Variants in GRM3 observed in about 807,000 individuals in gnomAD.
GRM3 encodes glutamate metabotropic receptor 3.
In GRM3, 26 loss-of-function variants were observed where a neutral mutation model predicts 70.5. The observed-to-expected ratio is 0.37, with a 90% CI of 0.27 to 0.51. The LOEUF is 0.51. Among genes scored for constraint, GRM3 ranks in the 20% least tolerant of loss-of-function variants. GRM3 has a pLI of 0.93. For missense variants in GRM3, 859 were observed against 1,123.8 expected, an observed-to-expected ratio of 0.76 and a Z score of 3.37; for synonymous variants, 443 against 434.9, an observed-to-expected ratio of 1.02 and a Z score of -0.23.
intron 3 of GRM3, among the ~76,000 whole-genome samples, chr7:86,827,835 C>G (rs372624812): frequency 2.6e-5 from 4 of 152,012 alleles, no homozygotes; most frequent in African/African-American, 9.6e-5. Context: ...AAATCCAGGC[C>G]GGTGCGGTGG....
At chr7:86,854,320 G>T (rs1798808953) in intron 5 of GRM3, among the ~76,000 whole-genome samples, 1 of 152,116 alleles carries the variant, frequency 6.6e-6, no homozygotes, top group Admixed American at 6.6e-5. Flanking sequence ...AGCCAAGGTG[G>T]TTGATAGCAG....
At chr7:86,809,786 T>A (rs1403275747) in intron 3 of GRM3, among the ~76,000 whole-genome samples, 1 of 152,062 alleles carries the variant, frequency 6.6e-6, no homozygotes, top group African/African-American at 2.4e-5. Context: ...TGATGCAGAA[T>A]GCATTACGAG....
intron 4 of GRM3, among the ~76,000 whole-genome samples, chr7:86,842,003 A>T (rs1798567677): frequency 6.6e-6 from 1 of 152,164 alleles, no homozygotes; most frequent in Admixed American, 6.5e-5. Flanking sequence ...TAAGTTTACA[A>T]AAGAAATGAG....
chr7:86,657,000 T>C (rs1793763265), intron 1 of GRM3, among the ~76,000 whole-genome samples: 1 of 152,188 alleles, frequency 6.6e-6, no homozygotes, highest in Non-Finnish European at 1.5e-5. Flanking sequence ...AAAACATAAA[T>C]TATCATGTTA....
intron 1 of GRM3, among the ~76,000 whole-genome samples, chr7:86,682,755 G>T (rs1794472011): frequency 6.6e-6 from 1 of 152,024 alleles, no homozygotes; most frequent in African/African-American, 2.4e-5. Context: ...TTGAGCTCTT[G>T]CAATGTGCCA....
chr7:86,802,176 C>G (rs1176706650), intron 3 of GRM3, among the ~76,000 whole-genome samples: 2 of 152,058 alleles, frequency 1.3e-5, no homozygotes, highest in Non-Finnish European at 2.9e-5. Context: ...AAATGTGTCT[C>G]AAAAGTGTTA....
At position 86,839,306 on chromosome 7, in the gene GRM3, T is replaced by C; in HGVS notation, c.1792T>C (p.Phe598Leu). ...FMCTCMVVTV[F>L]IKHNNTPLVK... ...GTGTACATGCATGGTTGTAACTGTTTTTATCAAGCACAACAACACACCCTT... is the reference window on the plus strand; with the variant it reads ...GTGTACATGCATGGTTGTAACTGTTCTTATCAAGCACAACAACACACCCTT... Residue 598 changes from phenylalanine to leucine, a missense_variant, in exon 4 of 6, where the codon TTT becomes CTT. Physicochemically the swap from Phe to Leu is conservative, Grantham distance 22. Coordinates refer to ENST00000361669, the MANE Select transcript of GRM3 (RefSeq NM_000840.3). The surrounding 1 kb of genome is among the most constrained non-coding windows in gnomAD (Gnocchi z 4.5). 1 of 1,613,790 alleles carries C rather than the reference T, an allele frequency of 6.2e-7. No homozygotes were observed.
intron 2 of GRM3, among the ~76,000 whole-genome samples, chr7:86,776,579 C>T (rs902673286): frequency 2.0e-5 from 3 of 152,108 alleles, no homozygotes; most frequent in Non-Finnish European, 2.9e-5. Flanking sequence ...GCATACCCAA[C>T]AGCTTTTGTC....
chr7:86,668,219 G>A (rs945383137), intron 1 of GRM3, among the ~76,000 whole-genome samples: 4 of 151,832 alleles, frequency 2.6e-5, no homozygotes, highest in African/African-American at 9.7e-5. Flanking sequence ...TTAGCCTGCC[G>A]TGCTTCCTTA....
chr7:86,725,507 C>T (rs1391181049), intron 1 of GRM3, among the ~76,000 whole-genome samples: 1 of 152,096 alleles, frequency 6.6e-6, no homozygotes, highest in Non-Finnish European at 1.5e-5. Context: ...ATAGCATCAC[C>T]CTCACCACAT....
intron 3 of GRM3, among the ~76,000 whole-genome samples, chr7:86,817,664 G>C (rs2188294): frequency 3.9e-5 from 6 of 151,958 alleles, no homozygotes; most frequent in African/African-American, 1.4e-4. Context: ...TCAAGTCTCA[G>C]CTGTCATCTG....
intron 3 of GRM3, among the ~76,000 whole-genome samples, chr7:86,834,983 A>G (rs1798426824): frequency 1.3e-5 from 2 of 152,124 alleles, no homozygotes; most frequent in African/African-American, 4.8e-5. Flanking sequence ...GAATTCTGAT[A>G]TTGATTACTA....
At chr7:86,846,798 C>G (rs1227123183) in intron 4 of GRM3, among the ~76,000 whole-genome samples, 2 of 152,196 alleles carry the variant, frequency 1.3e-5, no homozygotes, top group East Asian at 1.9e-4. Flanking sequence ...TGTTAATCAG[C>G]CCCTGAAACG....
chr7:86,838,866 A>C lies in GRM3; in HGVS notation c.1352A>C (p.Asp451Ala). The C allele has an allele frequency of 6.2e-7, 1 of 1,610,838 alleles. No individual in the cohort carries two copies. Among genetic ancestry groups the C allele is most frequent in the Non-Finnish European group, 8.5e-7 (1 of 1,177,624 alleles). ...TAPFNPNKDA[D>A]SIVKFDTFGD... ...CCATTCAACCCAAATAAAGATGCAG[A>C]TAGCATAGTCAAGTTTGACACTTTT... The change falls in exon 4 of 6, where the codon GAT becomes GCT. Residue 451 changes from aspartate (D) to alanine (A), a missense_variant. Coordinates refer to ENST00000361669, the MANE Select transcript of GRM3 (RefSeq NM_000840.3).
chr7:86,817,973 T>C (rs745988801), intron 3 of GRM3, among the ~76,000 whole-genome samples: 4 of 151,900 alleles, frequency 2.6e-5, no homozygotes, highest in Non-Finnish European at 4.4e-5. Context: ...CATGCACACA[T>C]ATATACAACA....
intron 1 of GRM3, among the ~76,000 whole-genome samples, chr7:86,722,837 A>G (rs1292100996): frequency 6.6e-6 from 1 of 152,152 alleles, no homozygotes; most frequent in Non-Finnish European, 1.5e-5. Context: ...TAAGAATTCC[A>G]TCTATTCGGT....
At chr7:86,728,730 A>G (rs1795650361) in intron 1 of GRM3, among the ~76,000 whole-genome samples, 1 of 152,130 alleles carries the variant, frequency 6.6e-6, no homozygotes, top group Non-Finnish European at 1.5e-5. Flanking sequence ...CAGGGCATCT[A>G]TGTCCATATC....
At chr7:86,660,548 T>A (rs1203884130) in intron 1 of GRM3, among the ~76,000 whole-genome samples, 1 of 152,028 alleles carries the variant, frequency 6.6e-6, no homozygotes, top group African/African-American at 2.4e-5. Flanking sequence ...TAAAGAAAGA[T>A]CCCTGGTGAC....
intron 2 of GRM3, among the ~76,000 whole-genome samples, chr7:86,785,163 C>A (rs760359830): frequency 6.6e-6 from 1 of 152,206 alleles, no homozygotes; most frequent in Non-Finnish European, 1.5e-5. Context: ...TAGTCAATGT[C>A]ATTTCTGATT....
Sources: gnomAD v4.1 joint callset for allele counts (sites outside exome capture counted in the v4.1 genomes callset) on GRCh38, gnomAD v4.1.1 for gene constraint, Gnocchi (gnomAD v3.1) non-coding constraint, MANE v1.5 for transcripts, NCBI Gene and HGNC (gene_info 2026-07-23, HGNC 2026-07-21) for gene names.